RPAP2: variants seen among roughly 807,000 people sequenced by gnomAD.
RPAP2 encodes the protein putative RNA polymerase II subunit B1 CTD phosphatase RPAP2.
In RPAP2, 52 loss-of-function variants were observed where a neutral mutation model predicts 73.1. The ratio of observed to expected loss-of-function variants is 0.71; its 90% CI spans 0.57 to 0.90. RPAP2 has a LOEUF of 0.90. Among genes scored for constraint, RPAP2 ranks in the 40% least tolerant of loss-of-function variants. The pLI, the probability that RPAP2 is intolerant of heterozygous loss-of-function variation, is 0.00. For synonymous variants in RPAP2, 225 were observed against 242.1 expected, an observed-to-expected ratio of 0.93 and a Z score of 0.65; for missense variants, 598 against 701.8, an observed-to-expected ratio of 0.85 and a Z score of 1.67.
chr1:92,317,672 C>T (rs1652002659), intron 6 of RPAP2, among the ~76,000 whole-genome samples: 1 of 151,998 alleles, frequency 6.6e-6, no homozygotes, highest in South Asian at 2.1e-4. Flanking sequence ...GAACTATATA[C>T]CTAAAAATGT....
intron 11 of RPAP2, among the ~76,000 whole-genome samples, chr1:92,367,352 G>A (rs1003735997): frequency 2.0e-5 from 3 of 152,088 alleles, no homozygotes; most frequent in South Asian, 2.1e-4. Flanking sequence ...CGGCTTTTGC[G>A]TTTGTTTGAT....
At chr1:92,356,454 A>G (rs1000602886) in intron 11 of RPAP2, among the ~76,000 whole-genome samples, 4 of 151,648 alleles carry the variant, frequency 2.6e-5, no homozygotes, top group Non-Finnish European at 5.9e-5. Context: ...ATCTCTCTCT[A>G]TCACCCAGGC....
chr1:92,308,520 A>G (rs1169541279), intron 6 of RPAP2, among the ~76,000 whole-genome samples: 1 of 152,196 alleles, frequency 6.6e-6, no homozygotes, highest in Non-Finnish European at 1.5e-5. Flanking sequence ...TTGCTTCCAA[A>G]GATATTTTCT....
chr1:92,343,825 G>A (rs1484217757), intron 10 of RPAP2, among the ~76,000 whole-genome samples: 3 of 152,152 alleles, frequency 2.0e-5, no homozygotes, highest in African/African-American at 7.2e-5. Flanking sequence ...GGTTTGGGAG[G>A]TAGAGGGCAA....
chr1:92,307,309 C>A, intron 6 of RPAP2, 33 bp downstream of exon 6: 2 of 1,371,874 alleles, frequency 1.5e-6, no homozygotes, highest in South Asian at 1.3e-5. Context: ...TACATTTGTT[C>A]ATATATTCTA....
chr1:92,348,357 C>T (rs1482978595), intron 11 of RPAP2, among the ~76,000 whole-genome samples: 2 of 152,182 alleles, frequency 1.3e-5, no homozygotes, highest in African/African-American at 4.8e-5. Flanking sequence ...TTAGGGGAAA[C>T]CCTTTTAGCT....
intron 12 of RPAP2, 137 bp downstream of exon 12, chr1:92,381,010 T>A (rs776335220): frequency 1.9e-4 from 126 of 647,756 alleles, no homozygotes; most frequent in Non-Finnish European, 2.8e-4. Flanking sequence ...AAGGACATGA[T>A]ATCCCTTAGT....
chr1:92,358,140 C>T (rs183903520), intron 11 of RPAP2, among the ~76,000 whole-genome samples: 58 of 152,304 alleles, frequency 3.8e-4, no homozygotes, highest in African/African-American at 1.3e-3. Context: ...TTCCACCTTG[C>T]GTCAGCCCTT....
In RPAP2 at chr1:92,401,858, GTTAAA is replaced by G. The variant is rs946831269; in HGVS notation, c.*14852_*14856del. ...AATTATGCTCATTGGTATTTTAAAT[GTTAAA>G]TTAACCTTGCGTTCCTGGGATAAGA... On this transcript the variant is annotated 3_prime_UTR_variant, in exon 13 of 13. Coordinates refer to ENST00000610020, the MANE Select transcript of RPAP2 (RefSeq NM_024813.3). 3 of 152,172 alleles carry G rather than the reference GTTAAA, an allele frequency of 2.0e-5. No homozygotes were observed. Among genetic ancestry groups the G allele is most frequent in the African/African-American group, 7.2e-5 (3 of 41,434 alleles). The allele number at this position is 152,172 out of a possible 1,614,324, so 9.4% of individuals were successfully genotyped here.
At chr1:92,318,645 T>A (rs1652068849) in intron 6 of RPAP2, among the ~76,000 whole-genome samples, 1 of 152,248 alleles carries the variant, frequency 6.6e-6, no homozygotes, top group African/African-American at 2.4e-5. Flanking sequence ...TGGGCTCTCA[T>A]TTCTCTGCCT....
At chr1:92,314,776 G>A (rs1165914339) in intron 6 of RPAP2, among the ~76,000 whole-genome samples, 1 of 143,536 alleles carries the variant, frequency 7.0e-6, no homozygotes, top group African/African-American at 2.6e-5. Flanking sequence ...TGGGTGTGGT[G>A]GCTCACACCT....
chr1:92,352,419 T>A (rs1303277405), intron 11 of RPAP2, among the ~76,000 whole-genome samples: 2 of 149,068 alleles, frequency 1.3e-5, no homozygotes, highest in African/African-American at 5.0e-5. Flanking sequence ...AATGGAAAGA[T>A]GTGAGTAAGG....
intron 11 of RPAP2, among the ~76,000 whole-genome samples, chr1:92,354,087 G>A (rs149341893): frequency 1.0e-3 from 152 of 152,180 alleles, no homozygotes; most frequent in African/African-American, 3.5e-3. Flanking sequence ...AGCAGCAGTG[G>A]TGGTGATGAC....
At chr1:92,363,859 A>C (rs1172549314) in intron 11 of RPAP2, 1 of 183,578 alleles carries the variant, frequency 5.4e-6, no homozygotes, top group Non-Finnish European at 1.2e-5. Flanking sequence ...ATATCCTTAC[A>C]TATGCATTAT....
intron 2 of RPAP2, among the ~76,000 whole-genome samples, chr1:92,300,899 TAATA>T (rs1028369750): frequency 1.2e-4 from 18 of 152,140 alleles, no homozygotes; most frequent in African/African-American, 4.1e-4. Context: ...GAATAAATAA[TAATA>T]AATTAATTAG....
In RPAP2 at chr1:92,399,612, CATAAGTT is replaced by C. The variant is rs1355966685; in HGVS notation, c.*12607_*12613del. On this transcript the variant is annotated 3_prime_UTR_variant, in exon 13 of 13. Coordinates refer to ENST00000610020, the MANE Select transcript of RPAP2 (RefSeq NM_024813.3). ...CATATAATTTAATGTAGTTTCATGT[CATAAGTT>C]ATAAGACTTTTCAGAGAAACAATTT... 1.3e-5 allele frequency: 2 copies of C among 152,134 alleles called. No individual in the cohort carries two copies. The highest frequency in any genetic ancestry group is 2.9e-5 in the Non-Finnish European group (2 of 68,038). The allele number at this position is 152,134 out of a possible 1,614,324, so 9.4% of individuals were successfully genotyped here.
At chr1:92,336,565 C>T (rs1461292041) in intron 10 of RPAP2, 138 bp downstream of exon 10, 16 of 604,488 alleles carry the variant, frequency 2.6e-5, no homozygotes, top group Non-Finnish European at 4.1e-5. Flanking sequence ...ATTTTCTCCT[C>T]CACTAAACAA....
chr1:92,335,832 A>C (rs2101243332), intron 9 of RPAP2, among the ~76,000 whole-genome samples: 1 of 152,302 alleles, frequency 6.6e-6, no homozygotes, highest in Admixed American at 6.5e-5. Flanking sequence ...TTCTGCAACA[A>C]GCATATTTTT....
At chr1:92,304,099 A>G (rs1651044441) in intron 4 of RPAP2, 24 bp downstream of exon 4, 1 of 1,502,308 alleles carries the variant, frequency 6.7e-7, no homozygotes, top group Non-Finnish European at 9.2e-7. Context: ...TTTTTTTAAA[A>G]TATAGGCTTT....
Sources: gnomAD v4.1 joint callset for allele counts (sites outside exome capture counted in the v4.1 genomes callset) on GRCh38, gnomAD v4.1.1 for gene constraint, MANE v1.5 for transcripts, NCBI Gene and HGNC (gene_info 2026-07-23, HGNC 2026-07-21) for gene names.